CCDC77: variants seen among roughly 807,000 people sequenced by gnomAD.
The protein encoded by CCDC77 is coiled-coil domain containing 77, also known as coiled-coil domain-containing protein 77.
CCDC77 carries 56 observed loss-of-function variants against 66.8 expected under a neutral mutation model. The ratio of observed to expected loss-of-function variants is 0.84; its 90% CI spans 0.68 to 1.05. CCDC77 has a LOEUF of 1.05. Among genes scored for constraint, CCDC77 ranks in the 50% least tolerant of loss-of-function variants. The pLI is 0.00. For synonymous variants in CCDC77, 196 were observed against 195.2 expected (o/e 1.00, Z -0.03); for missense variants, 570 against 576.8 (o/e 0.99, Z 0.12).
chr12:426,048 A>G (rs1214718659), intron 5 of CCDC77, among the ~76,000 whole-genome samples: 1 of 152,190 alleles, frequency 6.6e-6, no homozygotes, highest in Non-Finnish European at 1.5e-5. Flanking sequence ...ACTTTTTAGT[A>G]GAGATGGGGT....
At chr12:401,189 A>G (rs1486138976), upstream of CCDC77, among the ~76,000 whole-genome samples, 1 of 152,246 alleles carries the variant, frequency 6.6e-6, no homozygotes, top group African/African-American at 2.4e-5. Flanking sequence ...CTGACCGTAG[A>G]AACTGAACCT....
At chr12:398,457 T>G (rs1944856657), upstream of CCDC77, among the ~76,000 whole-genome samples, 1 of 141,920 alleles carries the variant, frequency 7.0e-6, no homozygotes, top group African/African-American at 2.6e-5. Flanking sequence ...TTTTTTTTTT[T>G]GAGACAGAAT....
chr12:397,651 T>C (rs1944845450), upstream of CCDC77, among the ~76,000 whole-genome samples: 1 of 152,038 alleles, frequency 6.6e-6, no homozygotes, highest in Non-Finnish European at 1.5e-5. Context: ...TAATTTAAAA[T>C]GCTTTTTTTT....
upstream of CCDC77, among the ~76,000 whole-genome samples, chr12:397,072 C>T (rs144327433): frequency 3.6e-3 from 552 of 152,244 alleles, 3 homozygotes; most frequent in African/African-American, 0.013. Context: ...TGTAACCACA[C>T]CCAGCTAATT....
intron 3 of CCDC77, among the ~76,000 whole-genome samples, chr12:410,196 T>C (rs565221225): frequency 2.0e-5 from 3 of 152,292 alleles, no homozygotes; most frequent in South Asian, 4.1e-4. Context: ...TATTTTGTTA[T>C]GTTATAAATT....
chr12:407,400 T>C (rs1012729578), intron 2 of CCDC77, among the ~76,000 whole-genome samples: 4 of 152,176 alleles, frequency 2.6e-5, no homozygotes, highest in Non-Finnish European at 4.4e-5. Context: ...GTGGGAGGTA[T>C]GTATCAGGAG....
chr12:419,425 CTCTTCT>C (rs1249903713), intron 5 of CCDC77, among the ~76,000 whole-genome samples: 1,728 of 151,320 alleles, frequency 0.011, 229 homozygotes, highest in African/African-American at 0.037. Flanking sequence ...CATTACAGTG[CTCTTCT>C]GTGTGTGTGT....
At chr12:416,375 GTGTATATATATA>G (rs1321557534) in intron 4 of CCDC77, among the ~76,000 whole-genome samples, 2 of 20,592 alleles carry the variant, frequency 9.7e-5, no homozygotes, top group South Asian at 1.5e-3. Flanking sequence ...GTGTGTGTGT[GTGTATATATATA>G]TATATATATA....
At chr12:408,773 A>G (rs1945046607) in intron 2 of CCDC77, among the ~76,000 whole-genome samples, 1 of 152,224 alleles carries the variant, frequency 6.6e-6, no homozygotes, top group African/African-American at 2.4e-5. Flanking sequence ...TGCAGATAAC[A>G]AGGAGACTTT....
chr12:425,115 G>C (rs562908447), intron 5 of CCDC77, among the ~76,000 whole-genome samples: 10 of 151,358 alleles, frequency 6.6e-5, no homozygotes, highest in Non-Finnish European at 1.2e-4. Context: ...ATTTTTTGTA[G>C]AGACAGGGTT....
At chr12:419,137 G>A (rs748708077) in intron 5 of CCDC77, among the ~76,000 whole-genome samples, 1 of 152,236 alleles carries the variant, frequency 6.6e-6, no homozygotes, top group Non-Finnish European at 1.5e-5. Context: ...GCTATGAGCA[G>A]ATTTGGGCAG....
At chr12:416,357 G>GTATATATATATATATATATATA (rs1309603806) in intron 4 of CCDC77, among the ~76,000 whole-genome samples, 1 of 39,826 alleles carries the variant, frequency 2.5e-5, no homozygotes, top group Non-Finnish European at 4.2e-5. Context: ...GTGTGTGTGT[G>GTATATATATATATATATATATA]TGTGTGTGTG....
chr12:427,401 G>A (rs949051539), intron 5 of CCDC77, among the ~76,000 whole-genome samples: 6 of 151,672 alleles, frequency 4.0e-5, no homozygotes, highest in South Asian at 2.1e-4. Context: ...TGCTAGAAAC[G>A]CCACGTTCTG....
At chr12:389,446 A>G (rs1281822636) in exon 1 of CCDC77, 1 of 461,650 alleles carries the variant, frequency 2.2e-6, no homozygotes, top group African/African-American at 2.0e-5. Context: ...TTGCCCGCCA[A>G]AGTTCTGCCC....
intron 4 of CCDC77, among the ~76,000 whole-genome samples, chr12:414,582 G>T (rs568269155): frequency 1.3e-5 from 2 of 152,120 alleles, no homozygotes; most frequent in South Asian, 4.2e-4. Context: ...AACTAACCCT[G>T]ACTCACTTTT....
At chr12:431,095 C>G (rs1945641796) in intron 7 of CCDC77, among the ~76,000 whole-genome samples, 2 of 145,282 alleles carry the variant, frequency 1.4e-5, no homozygotes, top group African/African-American at 5.1e-5. Flanking sequence ...ACAGAACACA[C>G]AATTGGAAAT....
At position 430,645 on chromosome 12, in the gene CCDC77, C is replaced by A. The variant is rs1174379839; in HGVS notation, c.511-19C>A. ...CGTTTATAGGAAGGCTACTTCAATA[C>A]CAGTTTTTGCTTCTTCAGGTCACCA... On this transcript the variant is annotated intron_variant, in intron 6 of 12. Coordinates refer to ENST00000239830, the MANE Select transcript of CCDC77 (RefSeq NM_032358.4). 6.3e-7 allele frequency: 1 copy of A among 1,595,206 alleles called. No individual in the cohort carries two copies. Among genetic ancestry groups the A allele is most frequent in the Non-Finnish European group, 8.6e-7 (1 of 1,162,742 alleles).
intron 4 of CCDC77, among the ~76,000 whole-genome samples, chr12:413,986 G>A (rs561901453): frequency 7.4e-4 from 112 of 151,744 alleles, no homozygotes; most frequent in Middle Eastern, 3.4e-3. Flanking sequence ...AAACCGTGCC[G>A]TCTGCGGTCT....
At chr12:389,571 C>CGAGTCGGAGCGAGGCGGAGCGAGGCGG in intron 1 of CCDC77, 1 of 223,110 alleles carries the variant, frequency 4.5e-6, no homozygotes, top group East Asian at 7.3e-5. Flanking sequence ...GGGCGAGGCG[C>CGAGTCGGAGCGAGGCGGAGCGAGGCGG]AACGAGGCGG....
Sources: allele counts gnomAD v4.1 joint callset (sites outside exome capture counted in the v4.1 genomes callset), GRCh38; gene constraint gnomAD v4.1.1; transcripts MANE v1.5; gene names NCBI Gene and HGNC (gene_info 2026-07-23, HGNC 2026-07-21).